The following PCDH1 variants were observed in gnomAD, a reference collection of about 807,000 sequenced individuals.
PCDH1 encodes the protein protocadherin-1.
In PCDH1, 23 loss-of-function variants were observed where a neutral mutation model predicts 74.6. The observed-to-expected ratio is 0.31, with a 90% CI of 0.22 to 0.44. The LOEUF is 0.44. Ranked by LOEUF, PCDH1 falls within the 20% of genes least tolerant of loss-of-function variation. The probability of loss-of-function intolerance (pLI) is 1.00; values close to 1 mark genes in which losing one functional copy is unlikely to be tolerated. For synonymous variants in PCDH1, 647 were observed against 686.1 expected (o/e 0.94, Z 0.89); for missense variants, 1,214 against 1,641.4 (o/e 0.74, Z 4.50).
chr5:141,866,639 T>C (rs184325440), intron 2 of PCDH1, among the ~76,000 whole-genome samples: 181 of 152,294 alleles, frequency 1.2e-3, no homozygotes, highest in African/African-American at 4.2e-3. Context: ...AGTAACTATG[T>C]GACCTTGGGC....
At chr5:141,877,368 A>T (rs903926965) in intron 1 of PCDH1, among the ~76,000 whole-genome samples, 18 of 152,130 alleles carry the variant, frequency 1.2e-4, no homozygotes, top group Non-Finnish European at 4.4e-5. Context: ...GTGTGGGTGC[A>T]GTAGAGGGGT....
In PCDH1 at chr5:141,878,402, C is replaced by G. The variant is rs1378968232; in HGVS notation, c.-140G>C. 4 of 564,236 alleles carry G rather than the reference C, an allele frequency of 7.1e-6. No homozygotes were observed. In the Admixed American group the frequency reaches 1.6e-4, roughly 23 times the overall value. The allele number at this position is 564,236 out of a possible 1,614,324, so 35.0% of individuals were successfully genotyped here. ...GCGTCCGCGCCGCGCTCCCGCTCCC[C>G]GAGTGTGTGAGGCGGCGGCGGCGGC... On this transcript the variant is annotated 5_prime_UTR_variant, in exon 1 of 5. Transcript: ENST00000287008. This position sits in a 1 kb window ranked among gnomAD's most constrained non-coding sequence, Gnocchi z 5.5.
intron 3 of PCDH1, among the ~76,000 whole-genome samples, chr5:141,861,159 A>G (rs1752549228): frequency 1.3e-5 from 2 of 150,848 alleles, no homozygotes; most frequent in East Asian, 2.0e-4. Flanking sequence ...CAGTAGCAGT[A>G]GAAGTAGTTT....
Position 141,869,535 on chromosome 5 carries a change from G to T in PCDH1, c.41-104C>A. 1 of 1,543,552 alleles carries T rather than the reference G, an allele frequency of 6.5e-7. No homozygotes were observed. ...TACTCACCCTCTCCCACTGACACAC[G>T]ATTCTCCACAAGAGCAGTCAGTCCC... On this transcript the variant is annotated intron_variant, in intron 1 of 4. Coordinates refer to ENST00000287008, the MANE Select transcript of PCDH1 (RefSeq NM_032420.5). This position sits in a 1 kb window ranked among gnomAD's most constrained non-coding sequence, Gnocchi z 4.9.
chr5:141,864,149 G>A lies in PCDH1; in HGVS notation c.2182C>T (p.Pro728Ser), dbSNP rs756498798. ...PSNTSHKLLT[P>S]QTRLGETVSQ... ...ACCGTCTCACCAAGACGTGTCTGGG[G>A]GGTCAGCAGCTTGTGAGAGGTGTTA... The change falls in exon 3 of 5, where the codon CCC (proline) becomes TCC (serine). Residue 728 changes from proline to serine, a missense_variant. Physicochemically the swap from Pro to Ser is moderately conservative, Grantham distance 74 (BLOSUM62 -1). Coordinates refer to ENST00000287008, the MANE Select transcript of PCDH1 (RefSeq NM_032420.5). The surrounding 1 kb of genome is among the most constrained non-coding windows in gnomAD (Gnocchi z 5.9). The A allele has an allele frequency of 2.5e-6, 4 of 1,608,568 alleles. No individual in the cohort carries two copies. Among genetic ancestry groups the A allele is most frequent in the East Asian group, 2.2e-5 (1 of 44,762 alleles).
chr5:141,873,293 A>ATTT (rs548141067), intron 1 of PCDH1, among the ~76,000 whole-genome samples: 1 of 123,528 alleles, frequency 8.1e-6, no homozygotes, highest in Non-Finnish European at 1.7e-5. Context: ...GCCCGGCTAA[A>ATTT]TTTTTTTTTT....
In PCDH1 at chr5:141,878,351, T is replaced by G; in HGVS notation, c.-89A>C. The G allele has an allele frequency of 9.8e-7, 1 of 1,022,092 alleles. No homozygotes were observed. Among genetic ancestry groups the G allele is most frequent in the South Asian group, 4.7e-5 (1 of 21,342 alleles). 63.3% of individuals were successfully genotyped at this position (1,022,092 alleles called of 1,614,324 possible). On this transcript the variant is annotated 5_prime_UTR_variant, in exon 1 of 5. Transcript: ENST00000287008. The surrounding 1 kb of genome is among the most constrained non-coding windows in gnomAD (Gnocchi z 5.5). Reference sequence around the variant, plus strand: ...GGCTCCGGCTCCGGCTCCGGCTGGCTCTGGGCGCAGCAGCCCGGCGGCTTT... The same window carrying G: ...GGCTCCGGCTCCGGCTCCGGCTGGCGCTGGGCGCAGCAGCCCGGCGGCTTT...
Position 141,854,288 on chromosome 5 carries a change from C to A in PCDH1, c.3468G>T (p.Val1156=). ...KSSALKLSTF[V]PYQDRGGQEP... Reference sequence around the variant, plus strand: ...CCTGCCCTCCTCGGTCCTGGTAAGGCACGAAGGTGGAGAGTTTGAGGGCGC... The same window carrying A: ...CCTGCCCTCCTCGGTCCTGGTAAGGAACGAAGGTGGAGAGTTTGAGGGCGC... The change falls in exon 5 of 5, where the codon GTG becomes GTT. Residue 1156 remains valine (V), a synonymous_variant. Coordinates refer to ENST00000287008, the MANE Select transcript of PCDH1 (RefSeq NM_032420.5). 1.2e-6 allele frequency: 2 copies of A among 1,613,650 alleles called. No individual in the cohort carries two copies. The highest frequency in any genetic ancestry group is 2.2e-5 in the South Asian group (2 of 91,024).
At chr5:141,862,769 C>T (rs1409896703) in intron 3 of PCDH1, 6 of 1,021,944 alleles carry the variant, frequency 5.9e-6, no homozygotes, top group East Asian at 8.8e-5. Context: ...TGGGAAGGTG[C>T]CCTCCCCTGG....
intron 1 of PCDH1, among the ~76,000 whole-genome samples, chr5:141,873,659 C>T (rs1490323206): frequency 6.0e-5 from 9 of 150,700 alleles, no homozygotes; most frequent in East Asian, 1.9e-4. Context: ...GGGGTTTCAC[C>T]GTGTTAGCCA....
At chr5:141,861,183 G>T (rs1752550621) in intron 3 of PCDH1, among the ~76,000 whole-genome samples, 1 of 151,220 alleles carries the variant, frequency 6.6e-6, no homozygotes, top group Admixed American at 6.6e-5. Flanking sequence ...GGAATAAGTT[G>T]GGAAAAGCTT....
In PCDH1 at chr5:141,868,627, C is replaced by T. The variant is rs747135149; in HGVS notation, c.845G>A (p.Arg282Gln). ...DTNDNAPKFERPSYEAELSEN... is the reference protein window; with the variant it reads ...DTNDNAPKFEQPSYEAELSEN... Reference sequence around the variant, plus strand: ...AGATAGTTCGGCCTCATAGGAGGGCCGCTCAAACTTGGGGGCGTTGTCATT... The same window carrying T: ...AGATAGTTCGGCCTCATAGGAGGGCTGCTCAAACTTGGGGGCGTTGTCATT... Residue 282 changes from arginine to glutamine, a missense_variant, in exon 2 of 5, where the codon CGG (arginine) becomes CAG (glutamine). Physicochemically the swap from Arg to Gln is conservative, Grantham distance 43 (BLOSUM62 1). Coordinates refer to ENST00000287008, the MANE Select transcript of PCDH1 (RefSeq NM_032420.5). This position sits in a 1 kb window ranked among gnomAD's most constrained non-coding sequence, Gnocchi z 4.8. 42 of 1,594,432 alleles carry T rather than the reference C, an allele frequency of 2.6e-5. No individual in the cohort carries two copies. The highest frequency in any genetic ancestry group is 6.7e-5 in the African/African-American group (5 of 74,494).
intron 1 of PCDH1, among the ~76,000 whole-genome samples, chr5:141,876,996 G>T (rs967596969): frequency 6.6e-6 from 1 of 152,252 alleles, no homozygotes; most frequent in African/African-American, 2.4e-5. Flanking sequence ...AGTGGGGGTT[G>T]GGGAGGCGCC....
intron 3 of PCDH1, chr5:141,862,590 A>G: frequency 1.0e-6 from 1 of 981,496 alleles, no homozygotes; most frequent in Non-Finnish European, 1.2e-6. Flanking sequence ...ACCTGAGGAC[A>G]AAGGGCTGCT....
chr5:141,857,583 C>T, intron 3 of PCDH1, 112 bp from the exon 4 acceptor site: 1 of 815,114 alleles, frequency 1.2e-6, no homozygotes, highest in Admixed American at 2.8e-5. Context: ...TCAACAGCAA[C>T]CAAGAAGAGA....
intron 3 of PCDH1, among the ~76,000 whole-genome samples, chr5:141,859,154 TG>T (rs996972729): frequency 6.6e-6 from 1 of 152,128 alleles, no homozygotes; most frequent in African/African-American, 2.4e-5. Flanking sequence ...GTAGTCCACC[TG>T]GTGTAGGGGT....
At chr5:141,871,861 C>T (rs1458059658) in intron 1 of PCDH1, among the ~76,000 whole-genome samples, 1 of 152,128 alleles carries the variant, frequency 6.6e-6, no homozygotes, top group African/African-American at 2.4e-5. Flanking sequence ...CTTTTACTTG[C>T]TCACTTACCC....
intron 3 of PCDH1, among the ~76,000 whole-genome samples, chr5:141,861,115 CA>C (rs59007688): frequency 0.23 from 14,389 of 61,756 alleles, 345 homozygotes; most frequent in South Asian, 0.32. Flanking sequence ...AACTCCATCT[CA>C]AAAAAAAAAA....
In PCDH1 at chr5:141,878,197, T is replaced by A. The variant is rs1200363360; in HGVS notation, c.40+26A>T. 2.8e-6 allele frequency: 4 copies of A among 1,431,476 alleles called. No homozygotes were observed. The highest frequency in any genetic ancestry group is 1.8e-6 in the Non-Finnish European group (2 of 1,094,614). 88.7% of individuals were successfully genotyped at this position (1,431,476 alleles called of 1,614,324 possible). ...ACCGCTTCGGGCCCCAAGCCGCTGC[T>A]GCCTCCACCGCCGCCGGATCCTTAC... On this transcript the variant is annotated intron_variant, in intron 1 of 4. Coordinates refer to ENST00000287008, the MANE Select transcript of PCDH1 (RefSeq NM_032420.5). This position sits in a 1 kb window ranked among gnomAD's most constrained non-coding sequence, Gnocchi z 5.5.
Sources: gnomAD v4.1 joint callset for allele counts (sites outside exome capture counted in the v4.1 genomes callset) on GRCh38, gnomAD v4.1.1 for gene constraint, Gnocchi (gnomAD v3.1) non-coding constraint, MANE v1.5 for transcripts, NCBI Gene and HGNC (gene_info 2026-07-23, HGNC 2026-07-21) for gene names.